CSMD1: variants seen among roughly 807,000 people sequenced by gnomAD.
The protein encoded by CSMD1 is CUB and Sushi multiple domains 1.
In CSMD1, 213 loss-of-function variants were observed where a neutral mutation model predicts 417.5. That is an observed-to-expected ratio of 0.51 (90% CI 0.46 to 0.57). The LOEUF is 0.57. CSMD1 is among the 20% of genes least tolerant of loss of function. The probability of loss-of-function intolerance (pLI) is 0.00; values close to 1 mark genes in which losing one functional copy is unlikely to be tolerated. For missense variants in CSMD1, 6,923 were observed against 4,529.7 expected (o/e 1.53, Z -15.17); for synonymous variants, 2,862 against 1,736.8 (o/e 1.65, Z -16.11).
At chr8:3,169,203 C>T (rs1046775090) in intron 37 of CSMD1, among the ~76,000 whole-genome samples, 7 of 152,170 alleles carry the variant, frequency 4.6e-5, no homozygotes, top group Non-Finnish European at 1.0e-4. Context: ...GAATTACAGA[C>T]TCCACCCCAA....
At chr8:4,870,357 A>G (rs1215932230) in intron 1 of CSMD1, among the ~76,000 whole-genome samples, 1 of 152,122 alleles carries the variant, frequency 6.6e-6, no homozygotes, top group African/African-American at 2.4e-5. Flanking sequence ...ATGCACTGCT[A>G]TTTATTTCAC....
chr8:4,877,047 G>C (rs1394566504), intron 1 of CSMD1, among the ~76,000 whole-genome samples: 2 of 152,048 alleles, frequency 1.3e-5, no homozygotes, highest in Non-Finnish European at 1.5e-5. Context: ...TCCTCCTTAT[G>C]TGGAGATTAA....
At chr8:4,801,243 C>T (rs545482743) in intron 1 of CSMD1, among the ~76,000 whole-genome samples, 1 of 152,284 alleles carries the variant, frequency 6.6e-6, no homozygotes, top group African/African-American at 2.4e-5. Flanking sequence ...GAGGACTGAT[C>T]TATGACTTTC....
At chr8:4,523,010 C>T (rs1232121173) in intron 2 of CSMD1, among the ~76,000 whole-genome samples, 3 of 152,132 alleles carry the variant, frequency 2.0e-5, no homozygotes, top group African/African-American at 7.2e-5. Context: ...AGGAGTAGGG[C>T]TTGTGTTAAT....
At chr8:3,864,871 A>T (rs865776981) in intron 5 of CSMD1, among the ~76,000 whole-genome samples, 1 of 152,230 alleles carries the variant, frequency 6.6e-6, no homozygotes, top group Non-Finnish European at 1.5e-5. Context: ...CTAGAATTAA[A>T]TAATTAATTT....
At chr8:3,629,810 C>CAT (rs1323055917) in intron 7 of CSMD1, among the ~76,000 whole-genome samples, 1 of 152,150 alleles carries the variant, frequency 6.6e-6, no homozygotes, top group Non-Finnish European at 1.5e-5. Context: ...GGCTAAAAGA[C>CAT]ATAACTTCGG....
At chr8:3,548,325 G>A (rs566487208) in intron 10 of CSMD1, among the ~76,000 whole-genome samples, 3 of 152,120 alleles carry the variant, frequency 2.0e-5, no homozygotes, top group East Asian at 2.0e-4. Flanking sequence ...GGTAATTGGG[G>A]AACAGGTGGT....
chr8:4,372,045 T>C (rs1305602099), intron 3 of CSMD1, among the ~76,000 whole-genome samples: 1 of 152,166 alleles, frequency 6.6e-6, no homozygotes, highest in Non-Finnish European at 1.5e-5. Context: ...CATGGCAAGG[T>C]CTGGGGTGAA....
intron 2 of CSMD1, among the ~76,000 whole-genome samples, chr8:4,443,736 T>A (rs964571993): frequency 4.6e-5 from 7 of 152,166 alleles, no homozygotes; most frequent in African/African-American, 1.7e-4. Context: ...TGATCCAAAA[T>A]ATGAACAGTT....
chr8:3,365,128 T>G (rs1809468316), intron 20 of CSMD1, among the ~76,000 whole-genome samples: 1 of 152,130 alleles, frequency 6.6e-6, no homozygotes. Context: ...CAGGGGAGAA[T>G]GCAGAGAGAG....
rs78432209 is a variant in CSMD1 at position 2,937,437 on chromosome 8, C to CAAAAAAAAAAAAAAAA, written c.*1147_*1148insTTTTTTTTTTTTTTTT. On this transcript the variant is annotated 3_prime_UTR_variant, in exon 70 of 70. Transcript: ENST00000635120. ...CAAAGATCGATGGCACAGTAAAAGA[C>CAAAAAAAAAAAAAAAA]AAAAAAAAAAAAAAACAAAAAAAAA... is the stretch of plus-strand genomic sequence containing the variant. The CAAAAAAAAAAAAAAAA allele has an allele frequency of 8.8e-6, 1 of 114,212 alleles. No individual in the cohort carries two copies. The allele number at this position is 114,212 out of a possible 1,614,324, so 7.1% of individuals were successfully genotyped here. A position where few individuals can be genotyped will look rare whatever the true frequency, so the allele number is the denominator to read the frequency against.
intron 3 of CSMD1, among the ~76,000 whole-genome samples, chr8:4,401,278 A>C (rs1293726347): frequency 2.0e-5 from 3 of 152,184 alleles, no homozygotes; most frequent in African/African-American, 7.2e-5. Flanking sequence ...TGAAACCTGT[A>C]ATCAAGTCAA....
chr8:3,526,175 T>C (rs1036844522), intron 10 of CSMD1, among the ~76,000 whole-genome samples: 5 of 152,180 alleles, frequency 3.3e-5, no homozygotes, highest in African/African-American at 1.2e-4. Flanking sequence ...GTGGCATATA[T>C]CATATTTCTG....
rs922389556 is a variant in CSMD1, at chr8:4,196,780, A to G, written c.416-164681T>C. 3.9e-5 allele frequency among the ~76,000 whole-genome samples: 6 copies of G among 152,060 alleles called. No individual in the cohort carries two copies. In the East Asian group the frequency reaches 1.2e-3, roughly 29 times the overall value. On this transcript the variant is annotated intron_variant, in intron 3 of 69. Coordinates refer to ENST00000635120, the MANE Select transcript of CSMD1 (RefSeq NM_033225.6). ...TCTTATCTGTAAACCCCTTTTTCCC[A>G]TAAAGCAACCTATTCACAGGCTCCA...
At chr8:4,923,425 T>C (rs1300784974) in intron 1 of CSMD1, among the ~76,000 whole-genome samples, 1 of 152,212 alleles carries the variant, frequency 6.6e-6, no homozygotes, top group Admixed American at 6.5e-5. Context: ...TTGGAGGGGA[T>C]GGATATACAT....
At chr8:4,365,756 G>C (rs183689675) in intron 3 of CSMD1, among the ~76,000 whole-genome samples, 1 of 152,034 alleles carries the variant, frequency 6.6e-6, no homozygotes, top group Non-Finnish European at 1.5e-5. Context: ...AGCTGACTCC[G>C]GTGACCGAAT....
intron 3 of CSMD1, among the ~76,000 whole-genome samples, chr8:4,380,184 G>C (rs1803011245): frequency 6.6e-6 from 1 of 152,152 alleles, no homozygotes. Flanking sequence ...CCTTAGGAGG[G>C]CTCCCAGTTA....
At chr8:3,053,163 G>C (rs73488484) in intron 49 of CSMD1, among the ~76,000 whole-genome samples, 2,835 of 152,242 alleles carry the variant, frequency 0.019, 84 homozygotes, top group African/African-American at 0.063. Flanking sequence ...AGGAACAATG[G>C]AAAATGGGTC....
At chr8:3,989,707 G>A (rs1014893486) in intron 5 of CSMD1, among the ~76,000 whole-genome samples, 1 of 152,136 alleles carries the variant, frequency 6.6e-6, no homozygotes, top group African/African-American at 2.4e-5. Flanking sequence ...CGAATCAGAA[G>A]AACTTAGATA....
Sources: gnomAD v4.1 joint callset for allele counts (sites outside exome capture counted in the v4.1 genomes callset) on GRCh38, gnomAD v4.1.1 for gene constraint, MANE v1.5 for transcripts, NCBI Gene and HGNC (gene_info 2026-07-23, HGNC 2026-07-21) for gene names.